The following SORCS3 variants were observed in gnomAD, a reference collection of about 807,000 sequenced individuals.
SORCS3 encodes the protein VPS10 domain-containing receptor SorCS3.
A neutral mutation model predicts 146.3 loss-of-function variants in SORCS3; 57 were observed. That is an observed-to-expected ratio of 0.39 (90% CI 0.31 to 0.49). The LOEUF (loss-of-function observed/expected upper bound fraction) is 0.49. Among genes scored for constraint, SORCS3 ranks in the 20% least tolerant of loss-of-function variants. The probability of loss-of-function intolerance (pLI) is 0.92; values close to 1 mark genes in which losing one functional copy is unlikely to be tolerated. For missense variants in SORCS3, 1,341 were observed against 1,575.5 expected, an observed-to-expected ratio of 0.85 and a Z score of 2.52; for synonymous variants, 653 against 618.5, an observed-to-expected ratio of 1.06 and a Z score of -0.83.
chr10:104,726,103 C>T (rs1008138078), intron 1 of SORCS3, among the ~76,000 whole-genome samples: 3 of 152,186 alleles, frequency 2.0e-5, no homozygotes, highest in East Asian at 1.9e-4. Flanking sequence ...TGTTCCTTTT[C>T]GGCCATCTTT....
intron 5 of SORCS3, among the ~76,000 whole-genome samples, chr10:105,087,360 C>A (rs2055669727): frequency 6.6e-6 from 1 of 151,802 alleles, no homozygotes; most frequent in African/African-American, 2.4e-5. Flanking sequence ...TCAGGTATAC[C>A]TATGTAACAA....
intron 7 of SORCS3, among the ~76,000 whole-genome samples, chr10:105,130,467 A>G (rs553185868): frequency 2.0e-5 from 3 of 152,188 alleles, no homozygotes; most frequent in Non-Finnish European, 4.4e-5. Context: ...AAGGCAGTGA[A>G]GGGTACAAGA....
At chr10:104,792,578 A>T (rs1245943446) in intron 1 of SORCS3, among the ~76,000 whole-genome samples, 1 of 152,186 alleles carries the variant, frequency 6.6e-6, no homozygotes, top group African/African-American at 2.4e-5. Flanking sequence ...TGCAATGAAC[A>T]TTTATCCTTA....
intron 3 of SORCS3, among the ~76,000 whole-genome samples, chr10:104,965,533 C>A (rs537810661): frequency 6.6e-6 from 1 of 152,202 alleles, no homozygotes; most frequent in East Asian, 1.9e-4. Flanking sequence ...TTTGTTCCCA[C>A]CAACAGTTCA....
rs181525272 is a variant in SORCS3, at chr10:105,006,188, C to T, written c.954+28695C>T. ...AACTCCTGACCTCAGGTGATCCACC[C>T]GCCTCTGCCTTTCAAATTGCTGGGA... On this transcript the variant is annotated intron_variant, in intron 4 of 26. Transcript: ENST00000369701. 6.2e-4 allele frequency among the ~76,000 whole-genome samples: 94 copies of T among 152,236 alleles called. 1 individual carries two copies. The East Asian group carries it at 0.017, about 28-fold the overall frequency.
At chr10:105,189,301 T>C (rs570208648) in intron 14 of SORCS3, among the ~76,000 whole-genome samples, 3 of 152,294 alleles carry the variant, frequency 2.0e-5, no homozygotes, top group Admixed American at 6.5e-5. Context: ...AGGAGTAGGC[T>C]CATTTCATCT....
chr10:105,260,474 G>C (rs2056954309), intron 25 of SORCS3, among the ~76,000 whole-genome samples: 1 of 152,174 alleles, frequency 6.6e-6, no homozygotes, highest in African/African-American at 2.4e-5. Flanking sequence ...CATGGATGCT[G>C]TTCACTTTGG....
At chr10:105,261,250 T>C (rs891117360) in intron 25 of SORCS3, among the ~76,000 whole-genome samples, 11 of 152,172 alleles carry the variant, frequency 7.2e-5, no homozygotes, top group African/African-American at 2.7e-4. Flanking sequence ...GAAAGTTGGA[T>C]AGTCAGGGGA....
chr10:104,991,180 G>GA (rs919801233), intron 4 of SORCS3, among the ~76,000 whole-genome samples: 13 of 150,744 alleles, frequency 8.6e-5, no homozygotes, highest in African/African-American at 7.3e-5. Flanking sequence ...CTTGCGGGTG[G>GA]AAAAAAAAAT....
At chr10:105,035,294 T>G (rs2055298415) in intron 4 of SORCS3, among the ~76,000 whole-genome samples, 1 of 152,182 alleles carries the variant, frequency 6.6e-6, no homozygotes, top group Non-Finnish European at 1.5e-5. Flanking sequence ...TAAACATATT[T>G]GCACTTGTGT....
intron 1 of SORCS3, among the ~76,000 whole-genome samples, chr10:104,774,658 G>T (rs2017289115): frequency 6.6e-6 from 1 of 152,170 alleles, no homozygotes; most frequent in African/African-American, 2.4e-5. Context: ...AGGGCTGCAG[G>T]TAGTGAGAAA....
intron 3 of SORCS3, among the ~76,000 whole-genome samples, chr10:104,924,472 G>A (rs959803314): frequency 5.9e-5 from 9 of 152,198 alleles, no homozygotes; most frequent in Non-Finnish European, 1.2e-4. Context: ...CAGCCTCTCA[G>A]TACTCCACTC....
chr10:104,696,720 A>T (rs1279428423), intron 1 of SORCS3, among the ~76,000 whole-genome samples: 1 of 91,634 alleles, frequency 1.1e-5, no homozygotes, highest in African/African-American at 4.4e-5. Context: ...TATAATATAT[A>T]ACATATATAA....
At chr10:105,175,454 C>G (rs2056394106) in intron 13 of SORCS3, among the ~76,000 whole-genome samples, 1 of 152,106 alleles carries the variant, frequency 6.6e-6, no homozygotes. Flanking sequence ...CCAATTTACC[C>G]AAAGTCGCCA....
chr10:105,054,570 C>G (rs929825095), intron 5 of SORCS3, among the ~76,000 whole-genome samples: 28 of 143,476 alleles, frequency 2.0e-4, no homozygotes, highest in Admixed American at 4.2e-4. Flanking sequence ...TATAGGATTT[C>G]TTTTTTTTTT....
chr10:105,017,346 T>C (rs1445902426), intron 4 of SORCS3, among the ~76,000 whole-genome samples: 1 of 152,090 alleles, frequency 6.6e-6, no homozygotes, highest in Non-Finnish European at 1.5e-5. Flanking sequence ...AATAGGAAGG[T>C]GGTTTCCCAC....
intron 1 of SORCS3, among the ~76,000 whole-genome samples, chr10:104,703,426 A>G (rs190676253): frequency 8.7e-4 from 133 of 152,270 alleles, no homozygotes; most frequent in Non-Finnish European, 1.6e-3. Flanking sequence ...CTGGTGTGAG[A>G]TGGTATGTCA....
chr10:104,828,744 G>A (rs2017967597), intron 1 of SORCS3, among the ~76,000 whole-genome samples: 1 of 152,178 alleles, frequency 6.6e-6, no homozygotes, highest in Non-Finnish European at 1.5e-5. Context: ...GTCTTCTCTA[G>A]TGGCCCTTAG....
chr10:104,876,929 C>T lies in SORCS3; in HGVS notation c.695+34070C>T, dbSNP rs141219172. 4.6e-3 allele frequency among the ~76,000 whole-genome samples: 701 copies of T among 152,098 alleles called. 5 individuals carry two copies. The highest frequency in any genetic ancestry group is 0.016 in the African/African-American group (673 of 41,468). On this transcript the variant is annotated intron_variant, in intron 2 of 26. Coordinates refer to ENST00000369701, the MANE Select transcript of SORCS3 (RefSeq NM_014978.3). ...GGAGTATAGCAAAGCAATCGCAGCT[C>T]ACTGCAGCCTCAGCCTTCCAGGCCC...
Sources: allele counts gnomAD v4.1 joint callset (sites outside exome capture counted in the v4.1 genomes callset), GRCh38; gene constraint gnomAD v4.1.1; transcripts MANE v1.5; gene names NCBI Gene and HGNC (gene_info 2026-07-23, HGNC 2026-07-21).